The following ZBTB20 variants were observed in gnomAD, a reference collection of about 807,000 sequenced individuals.
ZBTB20 encodes the protein zinc finger and BTB domain containing 20, also known as zinc finger and BTB domain-containing protein 20.
In ZBTB20, 9 loss-of-function variants were observed where a neutral mutation model predicts 56.9. The ratio of observed to expected loss-of-function variants is 0.16; its 90% CI spans 0.10 to 0.28. ZBTB20 has a LOEUF of 0.28. ZBTB20 is among the 10% of genes least tolerant of loss of function. The probability of loss-of-function intolerance (pLI) is 1.00; values close to 1 mark genes in which losing one functional copy is unlikely to be tolerated. For synonymous variants in ZBTB20, 417 were observed against 420.7 expected, an observed-to-expected ratio of 0.99 and a Z score of 0.11; for missense variants, 655 against 1,003.0, an observed-to-expected ratio of 0.65 and a Z score of 4.69.
intron 6 of ZBTB20, among the ~76,000 whole-genome samples, chr3:114,548,517 C>CTTTT (rs71146327): frequency 1.4e-5 from 2 of 145,000 alleles, no homozygotes; most frequent in African/African-American, 2.5e-5. Flanking sequence ...TTTTTATTTT[C>CTTTT]TTTTTTTTTT....
chr3:114,602,374 C>T (rs759178753), intron 6 of ZBTB20, among the ~76,000 whole-genome samples: 6 of 151,946 alleles, frequency 3.9e-5, no homozygotes, highest in Admixed American at 3.9e-4. Flanking sequence ...CCCTATGATA[C>T]AGAAAGTCAT....
chr3:114,533,398 A>C (rs2048095640), intron 6 of ZBTB20, among the ~76,000 whole-genome samples: 1 of 152,012 alleles, frequency 6.6e-6, no homozygotes, highest in Non-Finnish European at 1.5e-5. Context: ...ATCAGAGATG[A>C]AGATCAACTT....
chr3:114,566,468 C>T (rs1353249248), intron 6 of ZBTB20, among the ~76,000 whole-genome samples: 1 of 152,166 alleles, frequency 6.6e-6, no homozygotes, highest in African/African-American at 2.4e-5. Flanking sequence ...ACTTATTTAT[C>T]TCAAGTTGAT....
intron 7 of ZBTB20, among the ~76,000 whole-genome samples, chr3:114,407,064 G>A (rs1361434000): frequency 6.6e-6 from 1 of 152,088 alleles, no homozygotes; most frequent in Non-Finnish European, 1.5e-5. Context: ...TCAGCCTAAC[G>A]GCCACAGACT....
At chr3:114,546,327 T>C (rs930429204) in intron 6 of ZBTB20, among the ~76,000 whole-genome samples, 2 of 152,198 alleles carry the variant, frequency 1.3e-5, no homozygotes, top group African/African-American at 4.8e-5. Flanking sequence ...AAACTTCCTC[T>C]ACCGAATGGT....
chr3:114,679,555 A>G (rs1381873349), intron 6 of ZBTB20, among the ~76,000 whole-genome samples: 1 of 152,274 alleles, frequency 6.6e-6, no homozygotes, highest in Non-Finnish European at 1.5e-5. Flanking sequence ...ACTGGTCAAT[A>G]GAGAAATGCA....
chr3:114,730,159 T>A (rs940127083), intron 5 of ZBTB20, among the ~76,000 whole-genome samples: 1 of 151,966 alleles, frequency 6.6e-6, no homozygotes, highest in Non-Finnish European at 1.5e-5. Flanking sequence ...TAAAATTATA[T>A]ATGACAATCA....
chr3:114,996,370 C>G (rs976989830), intron 2 of ZBTB20, among the ~76,000 whole-genome samples: 13 of 151,670 alleles, frequency 8.6e-5, no homozygotes, highest in African/African-American at 2.4e-4. Flanking sequence ...CTCCCACCCC[C>G]CAAAAGGCCC....
chr3:115,014,180 T>C (rs1045040498), intron 2 of ZBTB20, among the ~76,000 whole-genome samples: 1 of 151,690 alleles, frequency 6.6e-6, no homozygotes, highest in Non-Finnish European at 1.5e-5. Flanking sequence ...AAACTTGATA[T>C]GTTTGAACTT....
intron 5 of ZBTB20, among the ~76,000 whole-genome samples, chr3:114,770,151 T>C (rs2069095767): frequency 6.6e-6 from 1 of 151,674 alleles, no homozygotes. Flanking sequence ...TGGTGCAGTG[T>C]ATGCTGCTTG....
intron 5 of ZBTB20, among the ~76,000 whole-genome samples, chr3:114,763,974 T>C (rs2068610713): frequency 6.6e-6 from 1 of 152,204 alleles, no homozygotes; most frequent in Non-Finnish European, 1.5e-5. Flanking sequence ...GAAGGAAGAC[T>C]ATTAAAAGAC....
chr3:115,048,646 C>T (rs976744415), intron 2 of ZBTB20, among the ~76,000 whole-genome samples: 2 of 152,118 alleles, frequency 1.3e-5, no homozygotes, highest in African/African-American at 4.8e-5. Flanking sequence ...AATTCACAAT[C>T]GCTACTCTCA....
chr3:114,995,320 T>C (rs1403680018), intron 2 of ZBTB20, among the ~76,000 whole-genome samples: 1 of 151,880 alleles, frequency 6.6e-6, no homozygotes, highest in African/African-American at 2.4e-5. Context: ...TCGTGCCTTA[T>C]TATACTTTTG....
chr3:114,410,910 G>A (rs1251949522), intron 7 of ZBTB20, among the ~76,000 whole-genome samples: 1 of 152,108 alleles, frequency 6.6e-6, no homozygotes, highest in Non-Finnish European at 1.5e-5. Context: ...GGGTGCATAG[G>A]GAGACAACTG....
At chr3:114,657,793 T>C (rs1001883105) in intron 6 of ZBTB20, among the ~76,000 whole-genome samples, 3 of 152,020 alleles carry the variant, frequency 2.0e-5, no homozygotes, top group Non-Finnish European at 2.9e-5. Flanking sequence ...CTTCAAATAA[T>C]TGTGGTGTTT....
intron 4 of ZBTB20, among the ~76,000 whole-genome samples, chr3:114,813,824 G>C (rs753715605): frequency 1.6e-4 from 24 of 152,086 alleles, no homozygotes; most frequent in Non-Finnish European, 3.2e-4. Flanking sequence ...ATATAATCTA[G>C]ATAATCTAGA....
chr3:114,977,474 T>G (rs1047621703), intron 2 of ZBTB20, among the ~76,000 whole-genome samples: 1 of 152,006 alleles, frequency 6.6e-6, no homozygotes, highest in Non-Finnish European at 1.5e-5. Context: ...TAAGTGACAG[T>G]GTGATATTGG....
At chr3:114,845,409 T>C (rs1191692762) in intron 4 of ZBTB20, among the ~76,000 whole-genome samples, 1 of 149,952 alleles carries the variant, frequency 6.7e-6, no homozygotes, top group Non-Finnish European at 1.5e-5. Flanking sequence ...AAGAACCTGA[T>C]GCTCTCTCTC....
At position 114,593,533 on chromosome 3, in the gene ZBTB20, C is replaced by T. The variant is rs537460243; in HGVS notation, c.-294-93142G>A. Reference sequence around the variant, plus strand: ...CTGAGTAGCTGGGATTACAGGCATGCGCCACCACACATGGCTAATTTTGTA... The same window carrying T: ...CTGAGTAGCTGGGATTACAGGCATGTGCCACCACACATGGCTAATTTTGTA... On this transcript the variant is annotated intron_variant, in intron 6 of 11. Coordinates refer to ENST00000675478, the MANE Select transcript of ZBTB20 (RefSeq NM_001348800.3). Among the ~76,000 whole-genome samples the T allele has an allele frequency of 1.4e-4, 21 of 151,860 alleles. 1 individual carries two copies. The South Asian group carries it at 2.5e-3, about 18-fold the overall frequency.
Sources: gnomAD v4.1 joint callset for allele counts (sites outside exome capture counted in the v4.1 genomes callset) on GRCh38, gnomAD v4.1.1 for gene constraint, MANE v1.5 for transcripts, NCBI Gene and HGNC (gene_info 2026-07-23, HGNC 2026-07-21) for gene names.